Variants in UBE3B observed in about 807,000 individuals in gnomAD.
The protein encoded by UBE3B is ubiquitin protein ligase E3B.
A neutral mutation model predicts 132.3 loss-of-function variants in UBE3B; 80 were observed. That is an observed-to-expected ratio of 0.60 (90% CI 0.50 to 0.73). The LOEUF is 0.73. Ranked by LOEUF, UBE3B falls within the 30% of genes least tolerant of loss-of-function variation. The pLI, the probability that UBE3B is intolerant of heterozygous loss-of-function variation, is 0.00. For synonymous variants in UBE3B, 487 were observed against 520.4 expected, an observed-to-expected ratio of 0.94 and a Z score of 0.87; for missense variants, 1,196 against 1,362.5, an observed-to-expected ratio of 0.88 and a Z score of 1.92.
intron 18 of UBE3B, among the ~76,000 whole-genome samples, chr12:109,514,139 C>T (rs1193435092): frequency 3.3e-5 from 5 of 152,206 alleles, no homozygotes; most frequent in Non-Finnish European, 7.3e-5. Flanking sequence ...CCTCTTACAT[C>T]GCTTTTACCT....
At chr12:109,485,822 C>A (rs938263074) in intron 4 of UBE3B, among the ~76,000 whole-genome samples, 190 bp from the exon 5 acceptor site, 5 of 152,156 alleles carry the variant, frequency 3.3e-5, no homozygotes, top group African/African-American at 4.8e-5. Flanking sequence ...CTTGGGCCAC[C>A]AGTTGGAGAA....
intron 24 of UBE3B, among the ~76,000 whole-genome samples, chr12:109,529,154 C>CT (rs1264055004): frequency 6.6e-6 from 1 of 152,166 alleles, no homozygotes; most frequent in Non-Finnish European, 1.5e-5. Context: ...GAGTGAGACT[C>CT]TGTCTCAAAA....
chr12:109,527,638 C>T (rs1395623167), intron 24 of UBE3B, among the ~76,000 whole-genome samples: 1 of 152,214 alleles, frequency 6.6e-6, no homozygotes, highest in Non-Finnish European at 1.5e-5. Flanking sequence ...ACCGGCCTTG[C>T]TCCTTGGCCA....
chr12:109,507,760 A>G, intron 15 of UBE3B, 25 bp downstream of exon 15: 1 of 1,600,458 alleles, frequency 6.2e-7, no homozygotes, highest in Non-Finnish European at 8.5e-7. Flanking sequence ...GTGGGACTGA[A>G]TTCCTTTCCT....
rs1165435064 is a variant in UBE3B at position 109,481,648 on chromosome 12, A to G, written c.-116A>G. 1 of 152,220 alleles carries G rather than the reference A, an allele frequency of 6.6e-6. No individual in the cohort carries two copies. The highest frequency in any genetic ancestry group is 1.5e-5 in the Non-Finnish European group (1 of 68,044). The allele number at this position is 152,220 out of a possible 1,614,324, so 9.4% of individuals were successfully genotyped here. A position where few individuals can be genotyped will look rare whatever the true frequency, so the allele number is the denominator to read the frequency against. ...TCTGCTTCTGCCAGAAAAAATAACA[A>G]GCTTTTCTGAAGTGAGAAGCTGTTC... On this transcript the variant is annotated 5_prime_UTR_variant, in exon 2 of 28. Coordinates refer to ENST00000342494, the MANE Select transcript of UBE3B (RefSeq NM_130466.4).
At chr12:109,511,347 C>T in intron 18 of UBE3B, 44 bp downstream of exon 18, 3 of 1,574,222 alleles carry the variant, frequency 1.9e-6, no homozygotes, top group Non-Finnish European at 2.6e-6. Flanking sequence ...CTTTCTATTC[C>T]CCCACGTGGT....
chr12:109,513,510 G>A (rs1880619026), intron 18 of UBE3B, among the ~76,000 whole-genome samples: 1 of 152,114 alleles, frequency 6.6e-6, no homozygotes, highest in South Asian at 2.1e-4. Flanking sequence ...TGAGGTCTTA[G>A]GACATAAATA....
At chr12:109,510,842 G>T (rs1236842987) in intron 17 of UBE3B, among the ~76,000 whole-genome samples, 1 of 152,154 alleles carries the variant, frequency 6.6e-6, no homozygotes, top group African/African-American at 2.4e-5. Flanking sequence ...TGGGGTGGGG[G>T]AAATCCTCCT....
rs1883303744 is a variant in UBE3B at position 109,534,898 on chromosome 12, C to T, written c.*116C>T. ...GCCAGGTGACATTGGCCCCTAGACC[C>T]TCTCTATAGCCATGAGACTCCTTGT... is the stretch of plus-strand genomic sequence containing the variant. On this transcript the variant is annotated 3_prime_UTR_variant, in exon 28 of 28. Coordinates refer to ENST00000342494, the MANE Select transcript of UBE3B (RefSeq NM_130466.4). The surrounding 1 kb of genome is among the most constrained non-coding windows in gnomAD (Gnocchi z 5.2). The T allele has an allele frequency of 2.4e-6, 2 of 846,860 alleles. No individual in the cohort carries two copies. Among genetic ancestry groups the T allele is most frequent in the Middle Eastern group, 2.6e-4 (1 of 3,920 alleles). The allele number at this position is 846,860 out of a possible 1,614,324, so 52.5% of individuals were successfully genotyped here. A position where few individuals can be genotyped will look rare whatever the true frequency, so the allele number is the denominator to read the frequency against.
chr12:109,480,277 A>G lies in UBE3B; in HGVS notation c.-127-1360A>G, dbSNP rs188362418. Among the ~76,000 whole-genome samples the G allele has an allele frequency of 3.5e-4, 53 of 151,844 alleles. No individual in the cohort carries two copies. The East Asian group carries it at 0.01, about 29-fold the overall frequency. Reference sequence around the variant, plus strand: ...TACACTCTACAATGTGCACTCAAGTACCTCCATAGGTACCTGATAAGCATC... The same window carrying G: ...TACACTCTACAATGTGCACTCAAGTGCCTCCATAGGTACCTGATAAGCATC... On this transcript the variant is annotated intron_variant, in intron 1 of 27. Coordinates refer to ENST00000342494, the MANE Select transcript of UBE3B (RefSeq NM_130466.4).
At chr12:109,516,725 T>A in intron 18 of UBE3B, 40 bp from the exon 19 acceptor site, 1 of 1,598,802 alleles carries the variant, frequency 6.3e-7, no homozygotes, top group Non-Finnish European at 8.6e-7. Context: ...ATCGTCAGTT[T>A]GCTGACCCTG....
chr12:109,510,628 G>A (rs895462138), intron 17 of UBE3B, among the ~76,000 whole-genome samples, 170 bp downstream of exon 17: 3 of 152,182 alleles, frequency 2.0e-5, no homozygotes, highest in Admixed American at 6.5e-5. Flanking sequence ...CTGTCAGGAC[G>A]CTTCTGTTAA....
At position 109,521,554 on chromosome 12, in the gene UBE3B, A is replaced by G. The variant is rs776377131; in HGVS notation, c.2364+3A>G. ...TGCTGGGGAAGGCTGTGTATGAGGT[A>G]GGAACGTTAAGAAACAGAGAAATGT... On this transcript the variant is annotated splice_donor_region_variant and intron_variant, in intron 21 of 27. Coordinates refer to ENST00000342494, the MANE Select transcript of UBE3B (RefSeq NM_130466.4). The surrounding 1 kb of genome is among the most constrained non-coding windows in gnomAD (Gnocchi z 4.2). 4 of 1,556,704 alleles carry G rather than the reference A, an allele frequency of 2.6e-6. No homozygotes were observed. The Admixed American group carries it at 8.1e-5, about 32-fold the overall frequency.
intron 7 of UBE3B, 85 bp from the exon 8 acceptor site, chr12:109,489,834 G>A (rs1449436144): frequency 2.3e-5 from 30 of 1,280,026 alleles, no homozygotes; most frequent in Non-Finnish European, 3.1e-5. Flanking sequence ...TAGGGCCTCG[G>A]ATGTGGGACA....
intron 26 of UBE3B, among the ~76,000 whole-genome samples, chr12:109,532,905 G>C (rs1883088136): frequency 1.3e-5 from 2 of 152,236 alleles, no homozygotes; most frequent in African/African-American, 4.8e-5. Context: ...AGCAGGCCCA[G>C]GGCTCAGGTG....
At chr12:109,539,687 T>C (rs1883569131), downstream of UBE3B, among the ~76,000 whole-genome samples, 1 of 152,118 alleles carries the variant, frequency 6.6e-6, no homozygotes, top group Non-Finnish European at 1.5e-5. Context: ...GGGATCGAAT[T>C]GACATTCCTT....
chr12:109,520,750 T>C (rs566174579), intron 19 of UBE3B: 2 of 158,670 alleles, frequency 1.3e-5, no homozygotes, highest in South Asian at 3.9e-4. Flanking sequence ...TTGATTTTTT[T>C]TTTTTTTCTT....
At chr12:109,541,912 C>A in the UBE3B span, among the ~76,000 whole-genome samples, 205 of 152,236 alleles carry the variant, frequency 1.3e-3, no homozygotes, top group African/African-American at 4.8e-3. Context: ...GAATTAGGAC[C>A]CACCCTCACC....
chr12:109,486,518 G>T lies in UBE3B; in HGVS notation c.390G>T (p.Trp130Cys), dbSNP rs1876457940. The T allele has an allele frequency of 6.8e-7, 1 of 1,471,338 alleles. No homozygotes were observed. The highest frequency in any genetic ancestry group is 1.9e-4 in the Middle Eastern group (1 of 5,252). The allele number at this position is 1,471,338 out of a possible 1,614,324, so 91.1% of individuals were successfully genotyped here. A position where few individuals can be genotyped will look rare whatever the true frequency, so the allele number is the denominator to read the frequency against. Reference protein sequence around the residue: ...LACSKDLTLLWIQQIKNILWY... With the variant: ...LACSKDLTLLCIQQIKNILWY... ...GTTCTAAGGACCTCACCCTCCTTTG[G>T]ATTCAACAGATCAAGAACATTTTGT... Residue 130 changes from tryptophan to cysteine, a missense_variant, in exon 6 of 28, where the codon TGG (tryptophan) becomes TGT (cysteine). By Grantham distance (215) the Trp-to-Cys change is radical. Transcript: ENST00000342494.
Sources: allele counts gnomAD v4.1 joint callset (sites outside exome capture counted in the v4.1 genomes callset), GRCh38; gene constraint gnomAD v4.1.1; non-coding constraint Gnocchi (gnomAD v3.1); transcripts MANE v1.5; gene names NCBI Gene and HGNC (gene_info 2026-07-23, HGNC 2026-07-21).